Variants in KCNJ15 observed in about 807,000 individuals in gnomAD.
KCNJ15 encodes the protein ATP-sensitive inward rectifier potassium channel 15.
KCNJ15 carries 14 observed loss-of-function variants against 23.0 expected under a neutral mutation model. The ratio of observed to expected loss-of-function variants is 0.61; its 90% CI spans 0.40 to 0.95. The LOEUF is 0.95. Among genes scored for constraint, KCNJ15 ranks in the 40% least tolerant of loss-of-function variants. The probability of loss-of-function intolerance (pLI) is 0.00; values close to 1 mark genes in which losing one functional copy is unlikely to be tolerated. For missense variants in KCNJ15, 388 were observed against 461.8 expected, an observed-to-expected ratio of 0.84 and a Z score of 1.46; for synonymous variants, 185 against 183.2, an observed-to-expected ratio of 1.01 and a Z score of -0.08.
chr21:38,274,374 A>G (rs1172749972), intron 1 of KCNJ15, among the ~76,000 whole-genome samples: 3 of 151,980 alleles, frequency 2.0e-5, no homozygotes, highest in Non-Finnish European at 4.4e-5. Flanking sequence ...ACACTTCTCC[A>G]ATTTCTGTCC....
chr21:38,248,793 A>G (rs184396226), intron 1 of KCNJ15, among the ~76,000 whole-genome samples: 1 of 152,346 alleles, frequency 6.6e-6, no homozygotes, highest in African/African-American at 2.4e-5. Flanking sequence ...TGCAACCAGC[A>G]GGAAGAGGAC....
intron 1 of KCNJ15, among the ~76,000 whole-genome samples, chr21:38,279,711 A>G (rs938258213): frequency 7.9e-5 from 12 of 152,298 alleles, no homozygotes; most frequent in African/African-American, 2.4e-4. Context: ...GCTCTTCTCC[A>G]TATCATTGAC....
chr21:38,293,693 T>C (rs1037233127), intron 1 of KCNJ15, among the ~76,000 whole-genome samples: 6 of 152,092 alleles, frequency 3.9e-5, no homozygotes, highest in Non-Finnish European at 7.4e-5. Flanking sequence ...GCTGTCATTC[T>C]TTCTGGGCCA....
chr21:38,275,627 C>T (rs1035332940), intron 1 of KCNJ15, among the ~76,000 whole-genome samples: 2 of 151,886 alleles, frequency 1.3e-5, no homozygotes, highest in South Asian at 4.1e-4. Flanking sequence ...ACTCACATCC[C>T]TGTGCCCCAC....
chr21:38,245,353 T>G (rs1400057010), intron 1 of KCNJ15, among the ~76,000 whole-genome samples: 1 of 137,638 alleles, frequency 7.3e-6, no homozygotes, highest in Non-Finnish European at 1.6e-5. Context: ...AAAAAAAAAA[T>G]GAGTGATTCT....
chr21:38,282,241 G>C (rs1010589492), intron 1 of KCNJ15, among the ~76,000 whole-genome samples: 1 of 152,066 alleles, frequency 6.6e-6, no homozygotes, highest in Admixed American at 6.5e-5. Context: ...TTTTGTCACT[G>C]TCCCTGCTTG....
intron 1 of KCNJ15, among the ~76,000 whole-genome samples, chr21:38,248,104 C>T (rs1349809127): frequency 6.6e-6 from 1 of 152,204 alleles, no homozygotes; most frequent in African/African-American, 2.4e-5. Context: ...TCACAAGGAA[C>T]AGCAAATAGC....
chr21:38,264,428 G>T (rs1981248863), intron 1 of KCNJ15, among the ~76,000 whole-genome samples: 1 of 152,078 alleles, frequency 6.6e-6, no homozygotes, highest in African/African-American at 2.4e-5. Flanking sequence ...ACTTTACAAT[G>T]GCCTGCTTAC....
chr21:38,293,565 A>G (rs1984843794), intron 1 of KCNJ15, among the ~76,000 whole-genome samples: 1 of 152,204 alleles, frequency 6.6e-6, no homozygotes, highest in African/African-American at 2.4e-5. Context: ...ACATCTTCCA[A>G]ACACAGGTCA....
chr21:38,292,715 T>TC (rs1984734209), intron 1 of KCNJ15, among the ~76,000 whole-genome samples: 1 of 152,176 alleles, frequency 6.6e-6, no homozygotes, highest in Non-Finnish European at 1.5e-5. Context: ...TCAACTGTAA[T>TC]CCCGGCACTT....
upstream of KCNJ15, among the ~76,000 whole-genome samples, chr21:38,256,362 A>ATATATG (rs749203216): frequency 7.1e-3 from 815 of 115,310 alleles, 16 homozygotes; most frequent in South Asian, 0.032. Context: ...TATTCAGCTT[A>ATATATG]TATATATATA....
intron 1 of KCNJ15, among the ~76,000 whole-genome samples, chr21:38,245,170 T>C (rs969433793): frequency 2.0e-5 from 3 of 151,880 alleles, no homozygotes; most frequent in Admixed American, 6.6e-5. Flanking sequence ...GCTGGAGACC[T>C]GGATTCTACG....
chr21:38,254,516 C>T (rs1980055443), upstream of KCNJ15, among the ~76,000 whole-genome samples: 4 of 152,134 alleles, frequency 2.6e-5, no homozygotes, highest in Admixed American at 2.6e-4. Context: ...TATGGTCCTG[C>T]AAGAACTAAA....
At chr21:38,277,262 T>C (rs1467006601) in intron 1 of KCNJ15, among the ~76,000 whole-genome samples, 1 of 152,216 alleles carries the variant, frequency 6.6e-6, no homozygotes, top group African/African-American at 2.4e-5. Context: ...AGGGGAGCAC[T>C]TGACTTTGCC....
intron 1 of KCNJ15, among the ~76,000 whole-genome samples, chr21:38,264,237 T>C (rs1187090770): frequency 6.6e-6 from 1 of 152,246 alleles, no homozygotes; most frequent in Non-Finnish European, 1.5e-5. Flanking sequence ...TTATTTCACC[T>C]TTTACACCCC....
chr21:38,232,514 G>T (rs1177586734), intron 1 of KCNJ15, among the ~76,000 whole-genome samples: 1 of 151,526 alleles, frequency 6.6e-6, no homozygotes. Flanking sequence ...TCTTATTTTT[G>T]CAGTGTCTTA....
intron 1 of KCNJ15, among the ~76,000 whole-genome samples, chr21:38,296,073 A>G (rs1985118604): frequency 6.6e-6 from 1 of 152,208 alleles, no homozygotes; most frequent in Non-Finnish European, 1.5e-5. Context: ...ATAAAAATAT[A>G]TGGATGTAGA....
chr21:38,282,378 A>G (rs954833186), intron 1 of KCNJ15, among the ~76,000 whole-genome samples: 12 of 152,112 alleles, frequency 7.9e-5, no homozygotes, highest in African/African-American at 2.9e-4. Flanking sequence ...AGAGGAAGTA[A>G]TTTGTTGGAT....
chr21:38,239,685 C>T (rs1275537311), intron 1 of KCNJ15, among the ~76,000 whole-genome samples: 1 of 152,228 alleles, frequency 6.6e-6, no homozygotes, highest in Non-Finnish European at 1.5e-5. Flanking sequence ...AATCGTAGGT[C>T]TGCCAACCTT....
Sources: gnomAD v4.1 joint callset for allele counts (sites outside exome capture counted in the v4.1 genomes callset) on GRCh38, gnomAD v4.1.1 for gene constraint, MANE v1.5 for transcripts, NCBI Gene and HGNC (gene_info 2026-07-23, HGNC 2026-07-21) for gene names.